Variants in RGS6 observed in about 807,000 individuals in gnomAD.
RGS6 encodes the protein regulator of G-protein signaling 6.
RGS6 carries 30 observed loss-of-function variants against 78.5 expected under a neutral mutation model. That is an observed-to-expected ratio of 0.38 (90% CI 0.29 to 0.52). RGS6 has a LOEUF of 0.52. RGS6 is among the 20% of genes least tolerant of loss of function. The probability of loss-of-function intolerance (pLI) is 0.85; values close to 1 mark genes in which losing one functional copy is unlikely to be tolerated. For missense variants in RGS6, 495 were observed against 609.7 expected (o/e 0.81, Z 1.98); for synonymous variants, 206 against 206.0 (o/e 1.00, Z 0.00).
At chr14:72,346,296 A>G (rs2078033428) in intron 2 of RGS6, among the ~76,000 whole-genome samples, 1 of 152,132 alleles carries the variant, frequency 6.6e-6, no homozygotes, top group South Asian at 2.1e-4. Flanking sequence ...ATGAATTTAT[A>G]GAAAAAAAAT....
At chr14:72,378,338 A>G (rs1183297829) in intron 3 of RGS6, among the ~76,000 whole-genome samples, 1 of 152,180 alleles carries the variant, frequency 6.6e-6, no homozygotes, top group Non-Finnish European at 1.5e-5. Context: ...GTTAGTAGGA[A>G]AGAAATGATA....
the RGS6 span, among the ~76,000 whole-genome samples, chr14:71,915,685 G>T: frequency 1.3e-5 from 2 of 152,168 alleles, no homozygotes; most frequent in African/African-American, 2.4e-5. Flanking sequence ...GATTGGTTCA[G>T]TGTAGGTTTG....
the RGS6 span, among the ~76,000 whole-genome samples, chr14:72,621,199 A>C: frequency 6.6e-6 from 1 of 151,974 alleles, no homozygotes; most frequent in Non-Finnish European, 1.5e-5. Flanking sequence ...CATTTGGAAC[A>C]TGCCTCTTTT....
At chr14:72,444,705 G>A (rs748749038) in intron 3 of RGS6, among the ~76,000 whole-genome samples, 3 of 29,814 alleles carry the variant, frequency 1.0e-4, no homozygotes, top group Non-Finnish European at 2.0e-4. Context: ...GGGTCACCAC[G>A]GGGTGCCGTT....
intron 13 of RGS6, among the ~76,000 whole-genome samples, chr14:72,499,311 A>G (rs1319230998): frequency 1.3e-5 from 2 of 152,146 alleles, no homozygotes; most frequent in Non-Finnish European, 2.9e-5. Context: ...TACTGTCCAT[A>G]TGAGAAGCTG....
intron 3 of RGS6, among the ~76,000 whole-genome samples, chr14:72,424,972 G>A (rs1393541201): frequency 6.6e-6 from 1 of 152,230 alleles, no homozygotes; most frequent in Non-Finnish European, 1.5e-5. Flanking sequence ...ACAGTGCTGA[G>A]AACGGTGCCT....
intron 17 of RGS6, chr14:72,547,199 C>T: frequency 6.5e-7 from 1 of 1,535,316 alleles, no homozygotes; most frequent in South Asian, 1.2e-5. Context: ...AGCAGCACCG[C>T]AGCAGAGGGG....
At chr14:71,982,116 AGTG>A in intron 2 of RGS6, among the ~76,000 whole-genome samples, 1 of 152,172 alleles carries the variant, frequency 6.6e-6, no homozygotes, top group Non-Finnish European at 1.5e-5. Flanking sequence ...GCGCTTCCCG[AGTG>A]AGGCAACGCC....
intron 2 of RGS6, among the ~76,000 whole-genome samples, chr14:72,319,829 A>G (rs534229870): frequency 6.6e-6 from 1 of 152,346 alleles, no homozygotes; most frequent in African/African-American, 2.4e-5. Context: ...AAGATCCCAG[A>G]GATACATCAC....
chr14:72,376,868 A>G (rs1207101999), intron 3 of RGS6, among the ~76,000 whole-genome samples: 1 of 152,158 alleles, frequency 6.6e-6, no homozygotes, highest in Non-Finnish European at 1.5e-5. Context: ...GACAATAACC[A>G]CTGTCATGAA....
intron 3 of RGS6, among the ~76,000 whole-genome samples, chr14:72,397,637 A>G (rs1356802446): frequency 6.6e-6 from 1 of 152,176 alleles, no homozygotes; most frequent in African/African-American, 2.4e-5. Context: ...CCGTTTCCAA[A>G]GGGAATGCTT....
At chr14:72,139,808 A>G (rs949944500) in intron 2 of RGS6, among the ~76,000 whole-genome samples, 12 of 152,212 alleles carry the variant, frequency 7.9e-5, no homozygotes, top group African/African-American at 2.9e-4. Context: ...CATCCATAGT[A>G]AGAGTCCTTC....
rs112660025 is a variant in RGS6, at chr14:72,175,753, C to T, written c.85-176342C>T. On this transcript the variant is annotated intron_variant, in intron 2 of 17. Coordinates refer to ENST00000553525, the MANE Select transcript of RGS6 (RefSeq NM_001204424.2). Reference sequence around the variant, plus strand: ...GAGACTCCTAGGGTCAGCACAGTGCCCAGCGGCTGGTACGTGCTTTCTAAG... The same window carrying T: ...GAGACTCCTAGGGTCAGCACAGTGCTCAGCGGCTGGTACGTGCTTTCTAAG... Among the ~76,000 whole-genome samples the T allele has an allele frequency of 4.6e-5, 7 of 152,220 alleles. 2 individuals carry two copies. The highest frequency in any genetic ancestry group is 1.4e-4 in the African/African-American group (6 of 41,552).
chr14:72,068,720 C>G (rs945495727), intron 2 of RGS6, among the ~76,000 whole-genome samples: 1 of 151,692 alleles, frequency 6.6e-6, no homozygotes, highest in Admixed American at 6.6e-5. Context: ...TGGTCTTGAA[C>G]TCCCCACCTG....
chr14:72,298,455 T>C (rs1371290062), intron 2 of RGS6, among the ~76,000 whole-genome samples: 143 of 70,692 alleles, frequency 2.0e-3, no homozygotes, highest in Non-Finnish European at 2.8e-3. Context: ...TTTTTTTTTT[T>C]CCCCCCCTCT....
At chr14:72,277,876 A>C (rs1879290) in intron 2 of RGS6, among the ~76,000 whole-genome samples, 92,247 of 151,472 alleles carry the variant, frequency 0.61, 28,158 homozygotes, top group Non-Finnish European at 0.64. Context: ...TGCAGTGAGC[A>C]AAGATCATGC....
intron 3 of RGS6, among the ~76,000 whole-genome samples, chr14:72,453,989 C>T (rs1164837273): frequency 1.3e-5 from 2 of 152,182 alleles, no homozygotes; most frequent in Non-Finnish European, 2.9e-5. Context: ...TATCTAAGTG[C>T]AGGGGAGGCT....
chr14:72,066,808 A>T (rs56392071), intron 2 of RGS6, among the ~76,000 whole-genome samples: 106 of 140,792 alleles, frequency 7.5e-4, no homozygotes, highest in Non-Finnish European at 1.2e-3. Flanking sequence ...TTTAGAGGCA[A>T]TTTTTTTTTT....
At chr14:72,494,550 A>G (rs2096619212) in intron 12 of RGS6, among the ~76,000 whole-genome samples, 1 of 152,188 alleles carries the variant, frequency 6.6e-6, no homozygotes, top group South Asian at 2.1e-4. Context: ...CTAACTATTC[A>G]CATACATTTT....
Sources: allele counts gnomAD v4.1 joint callset (sites outside exome capture counted in the v4.1 genomes callset), GRCh38; gene constraint gnomAD v4.1.1; transcripts MANE v1.5; gene names NCBI Gene and HGNC (gene_info 2026-07-23, HGNC 2026-07-21).